CHRNB4: variants seen among roughly 807,000 people sequenced by gnomAD.
CHRNB4 encodes the protein cholinergic receptor nicotinic beta 4 subunit.
CHRNB4 carries 23 observed loss-of-function variants against 40.4 expected under a neutral mutation model. The ratio of observed to expected loss-of-function variants is 0.57; its 90% CI spans 0.41 to 0.81. The LOEUF (loss-of-function observed/expected upper bound fraction) is 0.81. Among genes scored for constraint, CHRNB4 ranks in the 30% least tolerant of loss-of-function variants. The probability of loss-of-function intolerance (pLI) is 0.00; values close to 1 mark genes in which losing one functional copy is unlikely to be tolerated. For synonymous variants in CHRNB4, 285 were observed against 274.4 expected, an observed-to-expected ratio of 1.04 and a Z score of -0.38; for missense variants, 568 against 670.6, an observed-to-expected ratio of 0.85 and a Z score of 1.69.
At chr15:78,643,750 G>A (rs2054100530), upstream of CHRNB4, among the ~76,000 whole-genome samples, 1 of 152,054 alleles carries the variant, frequency 6.6e-6, no homozygotes, top group African/African-American at 2.4e-5. Flanking sequence ...AAATTGTTAA[G>A]ACTAGTAAGA....
chr15:78,635,273 T>C (rs72648900), intron 2 of CHRNB4, among the ~76,000 whole-genome samples, 166 bp downstream of exon 2: 3 of 152,328 alleles, frequency 2.0e-5, no homozygotes, highest in East Asian at 1.9e-4. Flanking sequence ...TCATTAAATA[T>C]TGGACACCTA....
intron 3 of CHRNB4, among the ~76,000 whole-genome samples, chr15:78,657,032 CTTCT>C (rs1160671947): frequency 3.4e-4 from 49 of 144,004 alleles, no homozygotes; most frequent in Admixed American, 1.1e-3. Context: ...TTTTTCTTTT[CTTCT>C]TTTTTTTTTT....
chr15:78,656,609 G>C (rs962985579), exon 4 of CHRNB4: 1 of 152,164 alleles, frequency 6.6e-6, no homozygotes, highest in Non-Finnish European at 1.5e-5. Flanking sequence ...TTTCACAACA[G>C]GGATGTTGGG....
intron 2 of CHRNB4, 96 bp downstream of exon 2, chr15:78,635,343 A>G (rs1350953415): frequency 1.4e-6 from 2 of 1,478,096 alleles, no homozygotes; most frequent in South Asian, 1.3e-5. Context: ...TAAGTCAACT[A>G]TAGTAGTTTC....
chr15:78,628,426 C>T (rs1355251402), intron 5 of CHRNB4, among the ~76,000 whole-genome samples: 1 of 152,202 alleles, frequency 6.6e-6, no homozygotes. Context: ...TGCCTCAGGG[C>T]TTTCTCCAGC....
At chr15:78,639,318 C>T (rs1018387087) in intron 1 of CHRNB4, among the ~76,000 whole-genome samples, 15 of 152,084 alleles carry the variant, frequency 9.9e-5, no homozygotes, top group East Asian at 3.8e-4. Context: ...TTTTCTGAGA[C>T]GGAGTCTTGA....
chr15:78,650,450 G>T (rs959158950), intron 6 of CHRNB4, among the ~76,000 whole-genome samples: 1 of 152,152 alleles, frequency 6.6e-6, no homozygotes, highest in African/African-American at 2.4e-5. Context: ...GATGCCTTGG[G>T]CTCCAGACTC....
chr15:78,643,580 A>AT (rs931273634), upstream of CHRNB4, among the ~76,000 whole-genome samples: 4 of 152,180 alleles, frequency 2.6e-5, no homozygotes, highest in South Asian at 4.1e-4. Flanking sequence ...TGAAATTGCC[A>AT]TTTTTTTAAG....
chr15:78,654,715 A>T (rs1268463748), intron 5 of CHRNB4, among the ~76,000 whole-genome samples: 2 of 152,122 alleles, frequency 1.3e-5, no homozygotes, highest in Admixed American at 6.5e-5. Flanking sequence ...GAGCTTTTTT[A>T]AAAAAACTTT....
chr15:78,627,076 G>A (rs1394241279), intron 5 of CHRNB4: 1 of 152,202 alleles, frequency 6.6e-6, no homozygotes. Context: ...GTCAGAAAGG[G>A]TGGTCCCACA....
At chr15:78,645,644 A>G (rs1380580625), upstream of CHRNB4, among the ~76,000 whole-genome samples, 1 of 151,858 alleles carries the variant, frequency 6.6e-6, no homozygotes, top group Non-Finnish European at 1.5e-5. Context: ...TCCCTTCCCT[A>G]TCTCACTTCT....
intron 5 of CHRNB4, among the ~76,000 whole-genome samples, chr15:78,652,885 G>C (rs748017364): frequency 6.6e-6 from 1 of 152,206 alleles, no homozygotes; most frequent in Non-Finnish European, 1.5e-5. Context: ...ACTAGGGGTG[G>C]TGGTGGAATG....
At chr15:78,631,367 AAGG>A (rs1567118176) in intron 2 of CHRNB4, 35 bp from the exon 3 acceptor site, 1 of 1,605,904 alleles carries the variant, frequency 6.2e-7, no homozygotes, top group Non-Finnish European at 8.5e-7. Context: ...GTTCACCAGG[AAGG>A]AGGAGCCTCA....
At position 78,629,124 on chromosome 15, in the gene CHRNB4, G is replaced by C; in HGVS notation, c.1181C>G (p.Ser394Cys). Residue 394 changes from serine (S) to cysteine (C), a missense_variant, in exon 5 of 6, where the codon TCT becomes TGT. Ser to Cys is a moderately radical substitution (Grantham distance 112, BLOSUM62 -1). This residue lies in a region of CHRNB4 where 242 missense variants were observed against 274.9 expected (regional missense o/e 0.88). Coordinates refer to ENST00000261751, the MANE Select transcript of CHRNB4 (RefSeq NM_000750.5). The surrounding 1 kb of genome is among the most constrained non-coding windows in gnomAD (Gnocchi z 6.8). ...GNSMYFVNPA[S>C]AASKSPAGST... ...GCCGGCTGGAGACTTGGAAGCTGCA[G>C]AGGCGGGGTTCACAAAGTACATGGA... 1.2e-6 allele frequency: 2 copies of C among 1,614,202 alleles called. No homozygotes were observed. Among genetic ancestry groups the C allele is most frequent in the Non-Finnish European group, 1.7e-6 (2 of 1,180,018 alleles).
chr15:78,646,508 C>A (rs991125201), intron 7 of CHRNB4, among the ~76,000 whole-genome samples: 1 of 152,166 alleles, frequency 6.6e-6, no homozygotes, highest in Non-Finnish European at 1.5e-5. Flanking sequence ...GTGGCTTAAA[C>A]AACACACGTT....
At chr15:78,661,216 G>T (rs981770249), upstream of CHRNB4, 9 of 609,462 alleles carry the variant, frequency 1.5e-5, no homozygotes, top group Admixed American at 1.5e-4. Flanking sequence ...GCTGCCCTTG[G>T]GGGAGTCCAG....
At chr15:78,639,231 T>C (rs1279481893) in intron 1 of CHRNB4, among the ~76,000 whole-genome samples, 1 of 152,200 alleles carries the variant, frequency 6.6e-6, no homozygotes. Context: ...GGCAGAGTGA[T>C]TTTTCAACTG....
In CHRNB4 at chr15:78,625,249, G is replaced by T; in HGVS notation, c.1381C>A (p.Leu461Met). The change falls in exon 6 of 6, where the codon CTG becomes ATG. Residue 461 changes from leucine (L) to methionine (M), a missense_variant. By Grantham distance (15) the Leu-to-Met change is conservative. Around this residue, in one of 4 missense-constraint regions of CHRNB4, gnomAD observed 242 missense variants for 274.9 expected, o/e 0.88. Transcript: ENST00000261751. Reference protein sequence around the residue: ...WKYVAMVVDRLFLWVFMFVCV... With the variant: ...WKYVAMVVDRMFLWVFMFVCV... ...ACAAACATGAACACCCACAGGAACA[G>T]CCGGTCCACCACCATAGCCACGTAC... is the stretch of plus-strand genomic sequence containing the variant. 1 of 1,568,598 alleles carries T rather than the reference G, an allele frequency of 6.4e-7. No homozygotes were observed. Among genetic ancestry groups the T allele is most frequent in the African/African-American group, 1.4e-5 (1 of 73,418 alleles).
intron 5 of CHRNB4, among the ~76,000 whole-genome samples, chr15:78,653,001 T>C (rs1471194960): frequency 6.6e-6 from 1 of 152,180 alleles, no homozygotes; most frequent in Non-Finnish European, 1.5e-5. Context: ...GGCTTGCTTT[T>C]TCCATCTATA....
Sources: allele counts gnomAD v4.1 joint callset (sites outside exome capture counted in the v4.1 genomes callset), GRCh38; gene constraint gnomAD v4.1.1; regional missense constraint gnomAD v4.1.1; non-coding constraint Gnocchi (gnomAD v3.1); transcripts MANE v1.5; gene names NCBI Gene and HGNC (gene_info 2026-07-23, HGNC 2026-07-21).